The following CAPRIN1 variants were observed in gnomAD, a reference collection of about 807,000 sequenced individuals.
CAPRIN1 encodes cell cycle associated protein 1, also known as caprin-1.
Under a neutral mutation model 100.9 loss-of-function variants are expected in CAPRIN1, and 29 were observed. That is an observed-to-expected ratio of 0.29 (90% CI 0.21 to 0.39). The LOEUF (loss-of-function observed/expected upper bound fraction) is 0.39, where lower values mean the gene tolerates loss of function less well. CAPRIN1 is among the 10% of genes least tolerant of loss of function. The pLI, the probability that CAPRIN1 is intolerant of heterozygous loss-of-function variation, is 1.00. For missense variants in CAPRIN1, 795 were observed against 876.7 expected (o/e 0.91, Z 1.18); for synonymous variants, 338 against 307.5 (o/e 1.10, Z -1.04).
In CAPRIN1 at chr11:34,079,668, A is replaced by G. The variant is rs1850973036; in HGVS notation, c.729A>G (p.Ser243=). The change falls in exon 7 of 19, where the codon TCA becomes TCG. Residue 243 remains serine, a synonymous_variant. Coordinates refer to ENST00000341394, the MANE Select transcript of CAPRIN1 (RefSeq NM_005898.5). ...AAATTGTTGAGCGTGTTTTTCAGTC[A>G]AACTACTTTGACAGCACCCACAACC... ...LKEIVERVFQ[S]NYFDSTHNHQ... is the part of the protein sequence containing the mutation. 1 of 1,614,050 alleles carries G rather than the reference A, an allele frequency of 6.2e-7. No individual in the cohort carries two copies.
intron 2 of CAPRIN1, among the ~76,000 whole-genome samples, chr11:34,064,759 C>T (rs1164479334): frequency 1.3e-5 from 2 of 152,100 alleles, no homozygotes; most frequent in Non-Finnish European, 2.9e-5. Context: ...TTCTCTCTCA[C>T]CTCTCCTTCT....
At chr11:34,053,275 C>T (rs901207725) in intron 2 of CAPRIN1, 7 of 429,626 alleles carry the variant, frequency 1.6e-5, no homozygotes, top group Non-Finnish European at 2.2e-5. Flanking sequence ...GCGTTTCCCT[C>T]TTTGTTTCAA....
chr11:34,054,772 A>G (rs1177828320), intron 2 of CAPRIN1, among the ~76,000 whole-genome samples: 3 of 152,144 alleles, frequency 2.0e-5, no homozygotes, highest in African/African-American at 4.8e-5. Context: ...TCTGGCTGCT[A>G]CTTGAGTTTT....
chr11:34,060,633 A>C (rs912616292), intron 2 of CAPRIN1, among the ~76,000 whole-genome samples: 1 of 152,252 alleles, frequency 6.6e-6, no homozygotes, highest in Non-Finnish European at 1.5e-5. Flanking sequence ...GATAGTAAGC[A>C]AAAGTTTCCT....
At position 34,076,596 on chromosome 11, in the gene CAPRIN1, G is replaced by C; in HGVS notation, c.642G>C (p.Leu214=). Residue 214 remains leucine (L), a synonymous_variant, in exon 6 of 19, where the codon CTG becomes CTC. Transcript: ENST00000341394. The part of the protein sequence containing the change: ...NEQYEHASIH[L]WDLLEGKEKP... ...AGTATGAACATGCCTCCATTCACCT[G>C]TGGGACCTGCTGGAAGGGAAGGAAA... The C allele has an allele frequency of 6.2e-7, 1 of 1,614,024 alleles. No homozygotes were observed. Among genetic ancestry groups the C allele is most frequent in the Non-Finnish European group, 8.5e-7 (1 of 1,179,894 alleles).
intron 6 of CAPRIN1, 54 bp downstream of exon 6, chr11:34,076,696 A>G (rs1384142821): frequency 1.4e-5 from 17 of 1,207,758 alleles, no homozygotes; most frequent in Non-Finnish European, 2.0e-5. Flanking sequence ...TTAAAAACTA[A>G]TTTTCTTATG....
rs144761693 is a variant in CAPRIN1, at chr11:34,060,903, C to G, written c.216+8267C>G. Among the ~76,000 whole-genome samples the G allele has an allele frequency of 4.3e-3, 654 of 152,260 alleles. 6 individuals are homozygous for G. The highest frequency in any genetic ancestry group is 0.015 in the African/African-American group (615 of 41,546). ...AGCAACTAATATTTTGAAAGATGCC[C>G]TTTAAGATTATTTATGGTAATTTGC... On this transcript the variant is annotated intron_variant, in intron 2 of 18. Transcript: ENST00000341394.
chr11:34,065,928 T>C (rs1160089440), intron 2 of CAPRIN1, among the ~76,000 whole-genome samples: 1 of 152,266 alleles, frequency 6.6e-6, no homozygotes, highest in Admixed American at 6.5e-5. Context: ...AGAACATGTG[T>C]AATGCTATGA....
At chr11:34,071,015 A>G (rs1850795404) in intron 2 of CAPRIN1, among the ~76,000 whole-genome samples, 1 of 152,170 alleles carries the variant, frequency 6.6e-6, no homozygotes, top group South Asian at 2.1e-4. Context: ...AAATACTCTT[A>G]TATCACCTAG....
chr11:34,068,366 G>C (rs1325564974), intron 2 of CAPRIN1, among the ~76,000 whole-genome samples: 1 of 152,230 alleles, frequency 6.6e-6, no homozygotes, highest in African/African-American at 2.4e-5. Flanking sequence ...GCTCACTCAA[G>C]TACAATGGCA....
In CAPRIN1 at chr11:34,079,758, T is replaced by C; in HGVS notation, c.819T>C (p.Pro273=). ...CACCTGCAGTTGAAGACCAGGTACC[T>C]GAAGCTGGTGAGTATTAGGTGGATA... ...ASAPAVEDQV[P]EAEPEPAEEY... is the part of the protein sequence containing the mutation. The change falls in exon 7 of 19, where the codon CCT becomes CCC. Residue 273 remains proline, a synonymous_variant. Coordinates refer to ENST00000341394, the MANE Select transcript of CAPRIN1 (RefSeq NM_005898.5). 1 of 1,613,820 alleles carries C rather than the reference T, an allele frequency of 6.2e-7. No homozygotes were observed. Among genetic ancestry groups the C allele is most frequent in the Non-Finnish European group, 8.5e-7 (1 of 1,179,886 alleles).
intron 2 of CAPRIN1, chr11:34,053,255 G>A (rs909055379): frequency 1.7e-6 from 1 of 575,342 alleles, no homozygotes; most frequent in Non-Finnish European, 2.2e-6. Context: ...CCCATGCGAT[G>A]GGCTCCCCTG....
At chr11:34,058,005 C>T (rs888587580) in intron 2 of CAPRIN1, among the ~76,000 whole-genome samples, 1 of 152,082 alleles carries the variant, frequency 6.6e-6, no homozygotes, top group African/African-American at 2.4e-5. Flanking sequence ...TAGGCATGAG[C>T]CACCATGTCC....
rs1225969173 is a variant in CAPRIN1 at position 34,090,461 on chromosome 11, ATCTGTTCACTTT to A, written c.1405-66_1405-55del. 1.7e-5 allele frequency: 26 copies of A among 1,534,486 alleles called. No homozygotes were observed. In the African/African-American group the frequency reaches 3.6e-4, roughly 21 times the overall value. On this transcript the variant is annotated intron_variant, in intron 13 of 18. Coordinates refer to ENST00000341394, the MANE Select transcript of CAPRIN1 (RefSeq NM_005898.5). ...TGAGATTAATTTACCACTTTAGTAC[ATCTGTTCACTTT>A]TTGTTTGGCTAAGTTTAGTTTACCG...
intron 2 of CAPRIN1, among the ~76,000 whole-genome samples, chr11:34,065,696 C>G (rs1850675117): frequency 6.6e-6 from 1 of 152,176 alleles, no homozygotes; most frequent in African/African-American, 2.4e-5. Context: ...GCTGAGAGAT[C>G]AGGAAATCCT....
intron 9 of CAPRIN1, among the ~76,000 whole-genome samples, chr11:34,083,259 T>C (rs1452122625): frequency 6.6e-6 from 1 of 152,208 alleles, no homozygotes; most frequent in Non-Finnish European, 1.5e-5. Flanking sequence ...AAAAATTATT[T>C]TATACAAAGT....
Position 34,099,445 on chromosome 11 carries a change from A to T in CAPRIN1, c.*78A>T. 8.3e-7 allele frequency: 1 copy of T among 1,210,478 alleles called. No individual in the cohort carries two copies. The highest frequency in any genetic ancestry group is 1.2e-6 in the Non-Finnish European group (1 of 818,796). The allele number at this position is 1,210,478 out of a possible 1,614,324, so 75.0% of individuals were successfully genotyped here. On this transcript the variant is annotated 3_prime_UTR_variant, in exon 19 of 19. Transcript: ENST00000341394. ...ATAATATGTTACCAGAAGAGTTATT[A>T]TCTATTTGTTCTCCCTTTCAGGAAA... is the stretch of plus-strand genomic sequence containing the variant.
At chr11:34,059,307 C>T (rs183709360) in intron 2 of CAPRIN1, among the ~76,000 whole-genome samples, 207 of 144,216 alleles carry the variant, frequency 1.4e-3, no homozygotes, top group Admixed American at 2.6e-3. Flanking sequence ...CTTGCTGTGT[C>T]GCCCAGGCTG....
intron 2 of CAPRIN1, among the ~76,000 whole-genome samples, chr11:34,070,935 C>T (rs981260891): frequency 2.6e-5 from 4 of 152,076 alleles, no homozygotes; most frequent in African/African-American, 7.2e-5. Context: ...CTCCTGACCT[C>T]AGGTGATCCG....
Sources: gnomAD v4.1 joint callset for allele counts (sites outside exome capture counted in the v4.1 genomes callset) on GRCh38, gnomAD v4.1.1 for gene constraint, MANE v1.5 for transcripts, NCBI Gene and HGNC (gene_info 2026-07-23, HGNC 2026-07-21) for gene names.